The following CHP2 variants were observed in gnomAD, a reference collection of about 807,000 sequenced individuals.
CHP2 encodes the protein calcineurin B homologous protein 2.
Under a neutral mutation model 24.7 loss-of-function variants are expected in CHP2, and 31 were observed. That is an observed-to-expected ratio of 1.26 (90% CI 0.94 to 1.69). The LOEUF is 1.69. Ranked by LOEUF, CHP2 falls within the 40% of genes most tolerant of loss-of-function variation. The pLI is 0.00. For missense variants in CHP2, 319 were observed against 261.5 expected, an observed-to-expected ratio of 1.22 and a Z score of -1.52; for synonymous variants, 97 against 99.1, an observed-to-expected ratio of 0.98 and a Z score of 0.13.
Position 23,755,739 on chromosome 16 carries a change from G to A in CHP2, c.140+6G>A. 1 of 1,614,106 alleles carries A rather than the reference G, an allele frequency of 6.2e-7. No homozygotes were observed. Among genetic ancestry groups the A allele is most frequent in the Non-Finnish European group, 8.5e-7 (1 of 1,179,962 alleles). On this transcript the variant is annotated splice_donor_region_variant and intron_variant, in intron 2 of 6. Transcript: ENST00000300113. ...AATAAGAAGGGCTACCTGAGGTGAGGGGGAGCCGGCCTCATAACTTCTGGC... is the reference window on the plus strand; with the variant it reads ...AATAAGAAGGGCTACCTGAGGTGAGAGGGAGCCGGCCTCATAACTTCTGGC...
At chr16:23,756,665 C>G (rs1597177839) in intron 5 of CHP2, among the ~76,000 whole-genome samples, 1 of 151,986 alleles carries the variant, frequency 6.6e-6, no homozygotes, top group African/African-American at 2.4e-5. Context: ...CAGTGATTCT[C>G]AACTGGGGGT....
At chr16:23,755,202 G>A in intron 1 of CHP2, 86 bp downstream of exon 1, 1 of 992,750 alleles carries the variant, frequency 1.0e-6, no homozygotes, top group Non-Finnish European at 1.5e-6. Flanking sequence ...TTGAAGGATG[G>A]ACGAACTTAC....
chr16:23,755,783 A>T (rs780577983), intron 2 of CHP2, 50 bp downstream of exon 2: 2 of 1,613,044 alleles, frequency 1.2e-6, no homozygotes, highest in African/African-American at 2.7e-5. Flanking sequence ...CTCTGACTCC[A>T]TGTCCCTCTT....
At chr16:23,756,878 C>T (rs1049134382) in intron 5 of CHP2, among the ~76,000 whole-genome samples, 3 of 152,010 alleles carry the variant, frequency 2.0e-5, no homozygotes, top group African/African-American at 7.3e-5. Context: ...AACTCTGGAA[C>T]AGATGTGATG....
chr16:23,755,102 G>A lies in CHP2; in HGVS notation c.53G>A (p.Arg18Gln). The change falls in exon 1 of 7, where the codon CGG (arginine) becomes CAG (glutamine). Residue 18 changes from arginine to glutamine, a missense_variant. By Grantham distance (43) the Arg-to-Gln change is conservative. Coordinates refer to ENST00000300113, the MANE Select transcript of CHP2 (RefSeq NM_022097.4). ...GTCATTCCCGACGGGGACAGTATTC[G>A]GCGAGAGACCGGCTGTGAGTGCGCC... ...AAVIPDGDSI[R>Q]RETGFSQASL... 3.1e-6 allele frequency: 5 copies of A among 1,601,922 alleles called. No homozygotes were observed. The highest frequency in any genetic ancestry group is 4.2e-6 in the Non-Finnish European group (5 of 1,176,472).
rs1961248711 is a variant in CHP2, at chr16:23,757,859, T to C, written c.*276T>C. 6 of 478,140 alleles carry C rather than the reference T, an allele frequency of 1.3e-5. No individual in the cohort carries two copies. The highest frequency in any genetic ancestry group is 2.3e-5 in the Non-Finnish European group (6 of 262,752). The allele number at this position is 478,140 out of a possible 1,614,324, so 29.6% of individuals were successfully genotyped here. On this transcript the variant is annotated 3_prime_UTR_variant, in exon 7 of 7. Coordinates refer to ENST00000300113, the MANE Select transcript of CHP2 (RefSeq NM_022097.4). ...TTACATTTATTGTGCACTTTATTTC[T>C]ATTATGATTACATTGTAATATATAA...
At chr16:23,755,499 A>T in intron 1 of CHP2, 162 bp from the exon 2 acceptor site, 1 of 648,982 alleles carries the variant, frequency 1.5e-6, no homozygotes, top group Non-Finnish European at 2.7e-6. Context: ...GGGTCGTGTC[A>T]CTCTCCCTCC....
chr16:23,756,022 A>G, intron 3 of CHP2, 41 bp from the exon 4 acceptor site: 3 of 1,613,768 alleles, frequency 1.9e-6, no homozygotes, highest in Middle Eastern at 1.7e-4. Flanking sequence ...GTGATGGCCA[A>G]GGTGACCACC....
chr16:23,757,906 C>G lies in CHP2; in HGVS notation c.*323C>G. On this transcript the variant is annotated 3_prime_UTR_variant, in exon 7 of 7. Coordinates refer to ENST00000300113, the MANE Select transcript of CHP2 (RefSeq NM_022097.4). ...ATAATGAAATAATTATACAACTCAC[C>G]ATAATGTAGAATCAGCAGGAGCCCT... is the stretch of plus-strand genomic sequence containing the variant. 2.5e-6 allele frequency: 1 copy of G among 393,062 alleles called. No individual in the cohort carries two copies. Among genetic ancestry groups the G allele is most frequent in the Non-Finnish European group, 4.8e-6 (1 of 207,642 alleles). 24.3% of individuals were successfully genotyped at this position (393,062 alleles called of 1,614,324 possible).
At position 23,755,843 on chromosome 16, in the gene CHP2, GC is replaced by G. The variant is rs1961215206; in HGVS notation, c.141-3del. On this transcript the variant is annotated splice_polypyrimidine_tract_variant and splice_region_variant and intron_variant, in intron 2 of 6. Coordinates refer to ENST00000300113, the MANE Select transcript of CHP2 (RefSeq NM_022097.4). ...CTTACCCTCTTTGAAATTTGGCTTT[GC>G]AGCCGCATGGATCTCCAGCAGATAG... The G allele has an allele frequency of 6.2e-7, 1 of 1,614,032 alleles. No individual in the cohort carries two copies. The highest frequency in any genetic ancestry group is 1.3e-5 in the African/African-American group (1 of 74,926).
chr16:23,755,714 A>C lies in CHP2; in HGVS notation c.121A>C (p.Asn41His), dbSNP rs1217924656. 6.2e-7 allele frequency: 1 copy of C among 1,614,184 alleles called. No homozygotes were observed. Among genetic ancestry groups the C allele is most frequent in the Admixed American group, 1.7e-5 (1 of 60,024 alleles). Residue 41 changes from asparagine to histidine, a missense_variant, in exon 2 of 7, where the codon AAT becomes CAT. Transcript: ENST00000300113. ...LHHRFRALDR[N>H]KKGYLSRMDL... ...CCACCGGTTCCGGGCACTGGACAGG[A>C]ATAAGAAGGGCTACCTGAGGTGAGG...
intron 3 of CHP2, 45 bp downstream of exon 3, chr16:23,755,972 G>A: frequency 6.2e-7 from 1 of 1,613,884 alleles, no homozygotes; most frequent in Non-Finnish European, 8.5e-7. Context: ...GAAAACCGGT[G>A]TGTGAGTGGG....
At position 23,757,780 on chromosome 16, in the gene CHP2, A is replaced by T; in HGVS notation, c.*197A>T. On this transcript the variant is annotated 3_prime_UTR_variant, in exon 7 of 7. Transcript: ENST00000300113. ...GTCCCCAACCTTTTTGGCATCAGGG[A>T]CAGTTTTTCCACGGATGGGTGACAG... 1.6e-6 allele frequency: 1 copy of T among 619,736 alleles called. No homozygotes were observed. The highest frequency in any genetic ancestry group is 2.8e-5 in the East Asian group (1 of 36,084). 38.4% of individuals were successfully genotyped at this position (619,736 alleles called of 1,614,324 possible).
In CHP2 at chr16:23,757,607, T is replaced by C. The variant is rs1961245469; in HGVS notation, c.*24T>C. The C allele has an allele frequency of 6.2e-7, 1 of 1,608,304 alleles. No homozygotes were observed. Among genetic ancestry groups the C allele is most frequent in the South Asian group, 1.1e-5 (1 of 90,948 alleles). On this transcript the variant is annotated 3_prime_UTR_variant, in exon 7 of 7. Transcript: ENST00000300113. ...GACTCCGTTTGTGCCTTGGGCTTGC[T>C]CCTGCAACCAGTATCTCCTTGGAAT...
Position 23,757,650 on chromosome 16 carries a change from G to A in CHP2, c.*67G>A. 7.7e-7 allele frequency: 1 copy of A among 1,291,148 alleles called. No homozygotes were observed. The highest frequency in any genetic ancestry group is 1.1e-6 in the Non-Finnish European group (1 of 885,110). The allele number at this position is 1,291,148 out of a possible 1,614,324, so 80.0% of individuals were successfully genotyped here. On this transcript the variant is annotated 3_prime_UTR_variant, in exon 7 of 7. Coordinates refer to ENST00000300113, the MANE Select transcript of CHP2 (RefSeq NM_022097.4). ...CTTGGAATTCATCCAAAGCCCCCAT[G>A]GACGCATGGACGCAGGGCGACAATA...
At position 23,757,585 on chromosome 16, in the gene CHP2, TC is replaced by T. The variant is rs754769864; in HGVS notation, c.*4del. ...ATGAGCATCCGGATCCTGAAGTGAC[TC>T]CGTTTGTGCCTTGGGCTTGCTCCTG... On this transcript the variant is annotated 3_prime_UTR_variant, in exon 7 of 7. Coordinates refer to ENST00000300113, the MANE Select transcript of CHP2 (RefSeq NM_022097.4). The T allele has an allele frequency of 6.2e-7, 1 of 1,613,736 alleles. No homozygotes were observed. The highest frequency in any genetic ancestry group is 8.5e-7 in the Non-Finnish European group (1 of 1,179,680).
rs375196668 is a variant in CHP2, at chr16:23,757,343, T to C, written c.537+20T>C. ...ACCAAGGTCAGAGTGCCCTTGGGGA[T>C]TGGGGAGTTGAGATCAGGAGTTCTG... On this transcript the variant is annotated intron_variant, in intron 6 of 6. Coordinates refer to ENST00000300113, the MANE Select transcript of CHP2 (RefSeq NM_022097.4). 670 of 1,601,438 alleles carry C rather than the reference T, an allele frequency of 4.2e-4. No individual in the cohort carries two copies. The highest frequency in any genetic ancestry group is 5.4e-4 in the Non-Finnish European group (636 of 1,172,602).
rs553159902 is a variant in CHP2 at position 23,758,911 on chromosome 16, A to G, written c.*1328A>G. On this transcript the variant is annotated 3_prime_UTR_variant, in exon 7 of 7. Coordinates refer to ENST00000300113, the MANE Select transcript of CHP2 (RefSeq NM_022097.4). ...GATGCAGTAGGGAAGAGACGATGTA[A>G]AAATAATAAACAATATATACCTTCC... The G allele has an allele frequency of 6.6e-6, 1 of 152,218 alleles. No homozygotes were observed. The highest frequency in any genetic ancestry group is 2.4e-5 in the African/African-American group (1 of 41,456). 9.4% of individuals were successfully genotyped at this position (152,218 alleles called of 1,614,324 possible).
rs113362337 is a variant in CHP2, at chr16:23,755,635, C to G, written c.68-26C>G. ...GGAGCTGGCCCTGCAGAGTCACACA[C>G]CCCCACCCCACTCTCCTTCCCGCAG... On this transcript the variant is annotated intron_variant, in intron 1 of 6. Coordinates refer to ENST00000300113, the MANE Select transcript of CHP2 (RefSeq NM_022097.4). 1.2e-3 allele frequency: 1,947 copies of G among 1,607,836 alleles called. 19 individuals carry two copies. In the African/African-American group the frequency reaches 0.022, roughly 18 times the overall value.
Sources: gnomAD v4.1 joint callset for allele counts (sites outside exome capture counted in the v4.1 genomes callset) on GRCh38, gnomAD v4.1.1 for gene constraint, MANE v1.5 for transcripts, NCBI Gene and HGNC (gene_info 2026-07-23, HGNC 2026-07-21) for gene names.